Variants in KANSL1L observed in about 807,000 individuals in gnomAD.
KANSL1L encodes KAT8 regulatory NSL complex subunit 1 like.
A neutral mutation model predicts 108.6 loss-of-function variants in KANSL1L; 25 were observed. The observed-to-expected ratio is 0.23, with a 90% confidence interval of 0.17 to 0.32. KANSL1L has a LOEUF of 0.32. KANSL1L is among the 10% of genes least tolerant of loss of function. The pLI is 1.00. For synonymous variants in KANSL1L, 405 were observed against 395.1 expected, an observed-to-expected ratio of 1.03 and a Z score of -0.30; for missense variants, 1,137 against 1,125.7, an observed-to-expected ratio of 1.01 and a Z score of -0.14.
chr2:210,084,761 G>A (rs1027613743), intron 5 of KANSL1L, among the ~76,000 whole-genome samples: 2 of 152,072 alleles, frequency 1.3e-5, no homozygotes, highest in Non-Finnish European at 2.9e-5. Context: ...CTACAGGTAT[G>A]TGCCACCACG....
In KANSL1L at chr2:210,028,973, C is replaced by CA. The variant is rs1178544611; in HGVS notation, c.2272-5dup. 1.2e-6 allele frequency: 2 copies of CA among 1,607,876 alleles called. No individual in the cohort carries two copies. The highest frequency in any genetic ancestry group is 3.4e-5 in the Admixed American group (2 of 59,178). ...TCAATCTCCGTCGTGCAGTATTCTGCAAAACAGGATTACAGTAGATTTACA... is the reference window on the plus strand; with the variant it reads ...TCAATCTCCGTCGTGCAGTATTCTGCAAAAACAGGATTACAGTAGATTTACA... On this transcript the variant is annotated splice_region_variant and splice_polypyrimidine_tract_variant and intron_variant, in intron 10 of 14. Transcript: ENST00000281772.
At chr2:210,133,319 AT>A (rs572313519) in intron 2 of KANSL1L, among the ~76,000 whole-genome samples, 3 of 151,940 alleles carry the variant, frequency 2.0e-5, no homozygotes, top group African/African-American at 7.2e-5. Context: ...TTTAATTCAT[AT>A]TTTTTATTAT....
chr2:210,031,331 A>G, intron 9 of KANSL1L, 90 bp downstream of exon 9: 11 of 862,564 alleles, frequency 1.3e-5, no homozygotes. Context: ...GCTGTTCTGG[A>G]TTATAAACTC....
At chr2:210,118,843 CA>C (rs1470870000) in intron 3 of KANSL1L, among the ~76,000 whole-genome samples, 1 of 140,024 alleles carries the variant, frequency 7.1e-6, no homozygotes, top group African/African-American at 2.8e-5. Context: ...GACCCTGTCT[CA>C]AGAGAAAAAA....
Position 210,024,068 on chromosome 2 carries a change from C to T in KANSL1L, c.2698G>A (p.Gly900Ser). ...TGACTTTGATTTAAAGAAGGTAAGC[C>T]ATATGCACACAGATCCTGGTTCTCT... ...PSENQDLCAY[G>S]LPSLNQSQET... The change falls in exon 14 of 15, where the codon GGC becomes AGC. Residue 900 changes from glycine (G) to serine (S), a missense_variant. By Grantham distance (56) the Gly-to-Ser change is moderately conservative (BLOSUM62 0). Transcript: ENST00000281772. The T allele has an allele frequency of 6.3e-7, 1 of 1,599,940 alleles. No individual in the cohort carries two copies. Among genetic ancestry groups the T allele is most frequent in the South Asian group, 1.1e-5 (1 of 88,702 alleles).
chr2:210,080,244 T>C (rs1470387335), intron 5 of KANSL1L: 1 of 152,256 alleles, frequency 6.6e-6, no homozygotes, highest in Non-Finnish European at 1.5e-5. Context: ...TAAAAGGCCC[T>C]GATAGGTCTG....
chr2:210,043,137 C>G (rs2094184851), intron 7 of KANSL1L, among the ~76,000 whole-genome samples: 1 of 152,040 alleles, frequency 6.6e-6, no homozygotes, highest in South Asian at 2.1e-4. Context: ...GTAATCCTAG[C>G]ATTTTTGGGA....
intron 3 of KANSL1L, among the ~76,000 whole-genome samples, chr2:210,105,367 G>GA (rs60657600): frequency 5.7e-4 from 80 of 140,876 alleles, no homozygotes; most frequent in South Asian, 2.0e-3. Context: ...ATATATATTT[G>GA]AAAAAAAATA....
chr2:210,154,648 A>G (rs2095323531), intron 1 of KANSL1L, 37 bp from the exon 2 acceptor site: 1 of 1,315,054 alleles, frequency 7.6e-7, no homozygotes, highest in Non-Finnish European at 9.9e-7. Flanking sequence ...AAATATCTAG[A>G]AAAAAATTTT....
At chr2:210,142,007 T>TTC (rs1214901367) in intron 2 of KANSL1L, among the ~76,000 whole-genome samples, 3 of 151,962 alleles carry the variant, frequency 2.0e-5, no homozygotes, top group African/African-American at 7.2e-5. Flanking sequence ...TTTTTTTTTT[T>TTC]TTCTTATAGT....
chr2:210,093,995 G>A (rs553316335), intron 5 of KANSL1L, among the ~76,000 whole-genome samples: 2 of 152,102 alleles, frequency 1.3e-5, no homozygotes, highest in South Asian at 2.1e-4. Context: ...CCACTTATAC[G>A]GTACCTAGAG....
chr2:210,046,792 G>A (rs2094228528), intron 6 of KANSL1L, among the ~76,000 whole-genome samples: 1 of 152,148 alleles, frequency 6.6e-6, no homozygotes, highest in Non-Finnish European at 1.5e-5. Flanking sequence ...GCCACACATA[G>A]CCTAAGCCAT....
Position 210,154,300 on chromosome 2 carries a change from T to C in KANSL1L, c.283A>G (p.Asn95Asp), listed in dbSNP as rs369672160. 1.9e-6 allele frequency: 3 copies of C among 1,613,084 alleles called. No homozygotes were observed. The highest frequency in any genetic ancestry group is 2.5e-6 in the Non-Finnish European group (3 of 1,179,364). ...SNSTLNKHNE[N>D]YKQKKLGEPS... Reference sequence around the variant, plus strand: ...TCCCCTAATTTCTTTTGTTTATAATTCTCATTGTGTTTATTTAATGTAGAA... The same window carrying C: ...TCCCCTAATTTCTTTTGTTTATAATCCTCATTGTGTTTATTTAATGTAGAA... The change falls in exon 2 of 15, where the codon AAT becomes GAT. Residue 95 changes from asparagine (N) to aspartate (D), a missense_variant. Transcript: ENST00000281772.
Position 210,098,072 on chromosome 2 carries a change from C to A in KANSL1L, c.1550+14G>T. 6.3e-7 allele frequency: 1 copy of A among 1,587,966 alleles called. No homozygotes were observed. Among genetic ancestry groups the A allele is most frequent in the South Asian group, 1.2e-5 (1 of 86,482 alleles). ...AGTTGAATTTAAAAGCTAAGCTATT[C>A]CATTGATACCTACCTCCTGTAAATG... On this transcript the variant is annotated intron_variant, in intron 5 of 14. Transcript: ENST00000281772.
rs1459979957 is a variant in KANSL1L, at chr2:210,044,220, A to G, written c.1756-116T>C. ...TTTCCAGTTCTACAAAAAGTTTTAC[A>G]AATATTTTGCTAGATGTTTTCCCAA... On this transcript the variant is annotated intron_variant, in intron 6 of 14. Transcript: ENST00000281772. The surrounding 1 kb of genome is among the most constrained non-coding windows in gnomAD (Gnocchi z 4.2). The G allele has an allele frequency of 3.3e-6, 2 of 608,332 alleles. No homozygotes were observed. Among genetic ancestry groups the G allele is most frequent in the Non-Finnish European group, 5.1e-6 (2 of 390,408 alleles). The allele number at this position is 608,332 out of a possible 1,614,324, so 37.7% of individuals were successfully genotyped here. A position where few individuals can be genotyped will look rare whatever the true frequency, so the allele number is the denominator to read the frequency against.
intron 2 of KANSL1L, among the ~76,000 whole-genome samples, chr2:210,131,948 C>T (rs555033361): frequency 6.0e-4 from 91 of 152,142 alleles, no homozygotes; most frequent in African/African-American, 2.0e-3. Context: ...CTACCCGCCT[C>T]GGCCTCCCAA....
At chr2:210,035,560 C>CGTGT (rs1001478827) in intron 8 of KANSL1L, among the ~76,000 whole-genome samples, 31 of 152,122 alleles carry the variant, frequency 2.0e-4, no homozygotes, top group Non-Finnish European at 1.0e-4. Context: ...GCTCACTACA[C>CGTGT]GTCTGCCTCC....
At chr2:210,113,649 A>G (rs79980120) in intron 3 of KANSL1L, among the ~76,000 whole-genome samples, 1,630 of 152,292 alleles carry the variant, frequency 0.011, 22 homozygotes, top group African/African-American at 0.035. Context: ...ACTGTCTTAA[A>G]GATGCACAAA....
chr2:210,139,742 CTT>C (rs200971902), intron 2 of KANSL1L, among the ~76,000 whole-genome samples: 56 of 134,228 alleles, frequency 4.2e-4, no homozygotes, highest in Non-Finnish European at 5.0e-4. Flanking sequence ...TGCCCATTTC[CTT>C]TTTTTTTTTT....
Sources: allele counts gnomAD v4.1 joint callset (sites outside exome capture counted in the v4.1 genomes callset), GRCh38; gene constraint gnomAD v4.1.1; non-coding constraint Gnocchi (gnomAD v3.1); transcripts MANE v1.5; gene names NCBI Gene and HGNC (gene_info 2026-07-23, HGNC 2026-07-21).